ZNF892: variants seen among roughly 807,000 people sequenced by gnomAD.
The protein encoded by ZNF892 is zinc finger protein 892, also known as zinc finger protein 570-like.
chr2:95,228,144 A>G, the ZNF892 span, among the ~76,000 whole-genome samples: 9 of 152,182 alleles, frequency 5.9e-5, no homozygotes, highest in Non-Finnish European at 7.3e-5. Context: ...TGACATTAAT[A>G]TTCTGAGAAG....
At chr2:95,215,552 T>C in the ZNF892 span, 1 of 406,098 alleles carries the variant, frequency 2.5e-6, no homozygotes, top group East Asian at 3.5e-5. Flanking sequence ...ATGTCCAAGC[T>C]CTTAGTGAGC....
the ZNF892 span, among the ~76,000 whole-genome samples, chr2:95,206,581 C>A: frequency 4.6e-5 from 7 of 152,184 alleles, no homozygotes; most frequent in African/African-American, 9.7e-5. Context: ...AGAAGAGCAA[C>A]GGTACCAGGT....
the ZNF892 span, among the ~76,000 whole-genome samples, chr2:95,245,467 C>A: frequency 2.4e-5 from 3 of 125,308 alleles, no homozygotes; most frequent in Non-Finnish European, 5.0e-5. Flanking sequence ...GGGGGGGTTT[C>A]ACCATGTTAG....
the ZNF892 span, among the ~76,000 whole-genome samples, chr2:95,261,117 C>T: frequency 1.3e-5 from 2 of 152,122 alleles, no homozygotes; most frequent in East Asian, 3.9e-4. Context: ...GGATCTGAGA[C>T]AGGAGGAGAC....
the ZNF892 span, among the ~76,000 whole-genome samples, chr2:95,249,229 A>ATTT: frequency 9.9e-4 from 70 of 70,618 alleles, no homozygotes; most frequent in Non-Finnish European, 1.4e-3. Flanking sequence ...ATATATATAT[A>ATTT]TATTTTTTTT....
the ZNF892 span, among the ~76,000 whole-genome samples, chr2:95,213,498 G>T: frequency 6.6e-6 from 1 of 152,128 alleles, no homozygotes; most frequent in Admixed American, 6.5e-5. Flanking sequence ...AGGAACTTGG[G>T]GTAGATATCT....
the ZNF892 span, among the ~76,000 whole-genome samples, chr2:95,249,660 C>T: frequency 6.6e-6 from 1 of 151,978 alleles, no homozygotes; most frequent in Non-Finnish European, 1.5e-5. Flanking sequence ...CACATTTTAC[C>T]AATATACCAT....
At chr2:95,249,992 C>T in the ZNF892 span, among the ~76,000 whole-genome samples, 3 of 152,102 alleles carry the variant, frequency 2.0e-5, no homozygotes, top group Non-Finnish European at 1.5e-5. Flanking sequence ...TTTTATGTCA[C>T]TTAATTTACT....
chr2:95,207,522 G>T, the ZNF892 span: 13 of 321,726 alleles, frequency 4.0e-5, no homozygotes, highest in Admixed American at 9.9e-5. Context: ...GGGAGTGGTA[G>T]TTCGGCCTCA....
the ZNF892 span, among the ~76,000 whole-genome samples, chr2:95,250,120 A>G: frequency 3.9e-5 from 6 of 152,134 alleles, no homozygotes; most frequent in African/African-American, 1.4e-4. Context: ...TAAGAATATA[A>G]AGGTTAAAAT....
the ZNF892 span, among the ~76,000 whole-genome samples, chr2:95,249,386 G>A: frequency 2.7e-5 from 4 of 147,614 alleles, no homozygotes; most frequent in Non-Finnish European, 4.5e-5. Flanking sequence ...GATTACAGGC[G>A]CCCGCCACCA....
the ZNF892 span, among the ~76,000 whole-genome samples, chr2:95,207,258 C>T: frequency 1.3e-5 from 2 of 152,244 alleles, no homozygotes; most frequent in African/African-American, 4.8e-5. Flanking sequence ...CGCCTTCCGC[C>T]CTCACAGTAG....
the ZNF892 span, among the ~76,000 whole-genome samples, chr2:95,247,127 C>A: frequency 6.6e-6 from 1 of 152,140 alleles, no homozygotes; most frequent in Non-Finnish European, 1.5e-5. Context: ...GCTGCAGTAA[C>A]CAAAACAGTA....
At chr2:95,223,954 G>T in the ZNF892 span, among the ~76,000 whole-genome samples, 3 of 152,208 alleles carry the variant, frequency 2.0e-5, no homozygotes, top group Non-Finnish European at 2.9e-5. Context: ...GGTCAAGAGG[G>T]CATAGCCCTC....
chr2:95,252,447 G>A, the ZNF892 span, among the ~76,000 whole-genome samples: 4 of 152,042 alleles, frequency 2.6e-5, no homozygotes, highest in African/African-American at 9.7e-5. Flanking sequence ...AGTATTCCAC[G>A]GTGTATATGT....
chr2:95,248,466 C>T, the ZNF892 span, among the ~76,000 whole-genome samples: 2 of 152,142 alleles, frequency 1.3e-5, no homozygotes, highest in East Asian at 3.9e-4. Flanking sequence ...GGTAACAAAC[C>T]AGCACATGTA....
chr2:95,251,608 C>T, the ZNF892 span, among the ~76,000 whole-genome samples: 296 of 152,316 alleles, frequency 1.9e-3, 1 homozygote, highest in Middle Eastern at 6.8e-3. Context: ...AAGGCTGAGA[C>T]GGCAATGACC....
the ZNF892 span, chr2:95,207,631 G>A: frequency 2.5e-6 from 1 of 393,344 alleles, no homozygotes; most frequent in African/African-American, 2.1e-5. Context: ...CCAGGGTAGA[G>A]GAGGGCTGAA....
chr2:95,245,123 A>G, the ZNF892 span, among the ~76,000 whole-genome samples: 39 of 152,354 alleles, frequency 2.6e-4, no homozygotes, highest in South Asian at 4.6e-3. Context: ...CATCGTAGCT[A>G]AAAGAACTAG....
Sources: allele counts gnomAD v4.1 joint callset (sites outside exome capture counted in the v4.1 genomes callset), GRCh38; gene constraint gnomAD v4.1.1; transcripts MANE v1.5; gene names NCBI Gene and HGNC (gene_info 2026-07-23, HGNC 2026-07-21).